Variants in CHUK observed in about 807,000 individuals in gnomAD.
CHUK encodes component of inhibitor of nuclear factor kappa B kinase complex.
In CHUK, 35 loss-of-function variants were observed where a neutral mutation model predicts 104.8. The observed-to-expected ratio is 0.33, with a 90% CI of 0.26 to 0.44. The LOEUF is 0.44. CHUK is among the 20% of genes least tolerant of loss of function. The pLI, the probability that CHUK is intolerant of heterozygous loss-of-function variation, is 1.00. For missense variants in CHUK, 663 were observed against 902.7 expected (o/e 0.73, Z 3.40); for synonymous variants, 276 against 291.9 (o/e 0.95, Z 0.56).
In CHUK at chr10:100,193,350, T is replaced by G. The variant is rs766327108; in HGVS notation, c.2056A>C (p.Thr686Pro). The G allele has an allele frequency of 1.2e-6, 2 of 1,614,086 alleles. No homozygotes were observed. Among genetic ancestry groups the G allele is most frequent in the East Asian group, 4.5e-5 (2 of 44,880 alleles). Residue 686 changes from threonine (T) to proline (P), a missense_variant, in exon 19 of 21, where the codon ACT becomes CCT. By Grantham distance (38) the Thr-to-Pro change is conservative (BLOSUM62 -1). Around this residue, in one of 5 missense-constraint regions of CHUK, gnomAD observed 311 missense variants for 393.4 expected, o/e 0.79. Transcript: ENST00000370397. ...TPQTSAWLPP[T>P]SAEHDHSLSC... is the part of the protein sequence containing the mutation. ...AGAGAATGATCATGTTCTGCTGAAG[T>G]CGGGGGCAGCCATGCTGATGTCTGA... is the stretch of plus-strand genomic sequence containing the variant.
chr10:100,188,227 C>G (rs1408115219), downstream of CHUK: 2 of 152,398 alleles, frequency 1.3e-5, no homozygotes, highest in Non-Finnish European at 2.9e-5. Context: ...ACTACCTTTA[C>G]CATAAGTCCT....
At chr10:100,208,147 C>T (rs1275835274) in intron 10 of CHUK, among the ~76,000 whole-genome samples, 1 of 151,996 alleles carries the variant, frequency 6.6e-6, no homozygotes, top group African/African-American at 2.4e-5. Context: ...GCTCTGTCAC[C>T]CATGCTGGAG....
intron 19 of CHUK, among the ~76,000 whole-genome samples, chr10:100,191,371 A>G (rs895424988): frequency 5.3e-5 from 8 of 152,268 alleles, no homozygotes; most frequent in African/African-American, 1.9e-4. Context: ...ACCAGCATGC[A>G]TACTTCACAG....
intron 10 of CHUK, among the ~76,000 whole-genome samples, chr10:100,208,164 G>A (rs10883453): frequency 3.3e-5 from 5 of 151,930 alleles, no homozygotes; most frequent in African/African-American, 7.3e-5. Flanking sequence ...GGAGTGCAGC[G>A]GCGTGATCAT....
At chr10:100,186,320 A>G (rs1844990783), downstream of CHUK, 1 of 335,022 alleles carries the variant, frequency 3.0e-6, no homozygotes, top group East Asian at 4.6e-5. Flanking sequence ...TCACTCTCAA[A>G]CGGTAGCTGT....
chr10:100,226,039 AG>A (rs753672948), intron 1 of CHUK, 22 bp from the exon 2 acceptor site: 2 of 1,414,890 alleles, frequency 1.4e-6, no homozygotes, highest in South Asian at 2.3e-5. Flanking sequence ...GAAAATCAAC[AG>A]AAAAAAAAAA....
Position 100,218,141 on chromosome 10 carries a change from T to C in CHUK, c.798-11A>G, listed in dbSNP as rs772449147. On this transcript the variant is annotated splice_polypyrimidine_tract_variant and intron_variant, in intron 8 of 20. Coordinates refer to ENST00000370397, the MANE Select transcript of CHUK (RefSeq NM_001278.5). ...GGTTCTACTACTAAACTAGAAAACA[T>C]ACAAAATAGGGTGAAAATCAAATCA... 6.2e-7 allele frequency: 1 copy of C among 1,604,456 alleles called. No individual in the cohort carries two copies. The highest frequency in any genetic ancestry group is 8.5e-7 in the Non-Finnish European group (1 of 1,171,172).
chr10:100,211,280 T>C (rs1417730738), intron 9 of CHUK, among the ~76,000 whole-genome samples: 2 of 151,924 alleles, frequency 1.3e-5, no homozygotes. Context: ...TTACATATTT[T>C]ATTTTGTGAC....
chr10:100,209,089 C>T (rs1407654092), intron 10 of CHUK, among the ~76,000 whole-genome samples: 5 of 152,116 alleles, frequency 3.3e-5, no homozygotes, highest in African/African-American at 1.2e-4. Context: ...ACTGAGGCTC[C>T]AGAGGAATGT....
chr10:100,201,826 C>CTGGG (rs1845469993), intron 14 of CHUK, among the ~76,000 whole-genome samples: 1 of 152,188 alleles, frequency 6.6e-6, no homozygotes, highest in African/African-American at 2.4e-5. Flanking sequence ...ACACTCCAAC[C>CTGGG]TGGGCAACAG....
In CHUK at chr10:100,189,211, A is replaced by G. The variant is rs1845138289; in HGVS notation, c.*387T>C. ...CTTGAGGTTTTCTTCTCTGTATACAAAACTACATTTGGTCTTACGCCCAAA... is the reference window on the plus strand; with the variant it reads ...CTTGAGGTTTTCTTCTCTGTATACAGAACTACATTTGGTCTTACGCCCAAA... On this transcript the variant is annotated 3_prime_UTR_variant, in exon 21 of 21. Transcript: ENST00000370397. The G allele has an allele frequency of 5.5e-6, 1 of 181,180 alleles. No homozygotes were observed. The highest frequency in any genetic ancestry group is 1.2e-5 in the Non-Finnish European group (1 of 85,382). The allele number at this position is 181,180 out of a possible 1,614,324, so 11.2% of individuals were successfully genotyped here. A position where few individuals can be genotyped will look rare whatever the true frequency, so the allele number is the denominator to read the frequency against.
intron 13 of CHUK, among the ~76,000 whole-genome samples, chr10:100,203,379 A>C (rs1489905108): frequency 6.6e-6 from 1 of 151,892 alleles, no homozygotes; most frequent in Non-Finnish European, 1.5e-5. Flanking sequence ...AATAATTATA[A>C]TGTTTTATCA....
chr10:100,220,949 T>C (rs1589597153), intron 4 of CHUK, among the ~76,000 whole-genome samples: 1 of 152,238 alleles, frequency 6.6e-6, no homozygotes, highest in Non-Finnish European at 1.5e-5. Flanking sequence ...CTGAAACTCT[T>C]ATAAGCCTCT....
chr10:100,204,791 A>G, intron 12 of CHUK, 134 bp from the exon 13 acceptor site: 1 of 795,048 alleles, frequency 1.3e-6, no homozygotes, highest in Non-Finnish European at 2.0e-6. Context: ...ATGAGAAATA[A>G]CTGAGCTCTA....
Position 100,222,129 on chromosome 10 carries a change from G to A in CHUK, c.368C>T (p.Ser123Phe), listed in dbSNP as rs1361024397. 1 of 1,574,488 alleles carries A rather than the reference G, an allele frequency of 6.4e-7. No homozygotes were observed. The highest frequency in any genetic ancestry group is 1.3e-5 in the African/African-American group (1 of 74,298). The change falls in exon 4 of 21, where the codon TCT (serine) becomes TTT (phenylalanine). Residue 123 changes from serine to phenylalanine, a missense_variant. Physicochemically the swap from Ser to Phe is radical, Grantham distance 155. Around this residue, in one of 5 missense-constraint regions of CHUK, gnomAD observed 200 missense variants for 333.0 expected, o/e 0.60. Coordinates refer to ENST00000370397, the MANE Select transcript of CHUK (RefSeq NM_001278.5). Reference sequence around the variant, plus strand: ...ATACGTACCTATATCACTTAGTAAAGAAAGTATCTGGCTTTCTTTAAGTCC... The same window carrying A: ...ATACGTACCTATATCACTTAGTAAAAAAAGTATCTGGCTTTCTTTAAGTCC... ...CCGLKESQIL[S>F]LLSDIGSGIR...
At position 100,190,965 on chromosome 10, in the gene CHUK, C is replaced by T; in HGVS notation, c.2112G>A (p.Glu704=). 1.9e-6 allele frequency: 3 copies of T among 1,589,142 alleles called. No individual in the cohort carries two copies. Among genetic ancestry groups the T allele is most frequent in the Non-Finnish European group, 2.6e-6 (3 of 1,157,300 alleles). ...LSCVVTPQDG[E]TSAQMIEENL... is the part of the protein sequence containing the mutation. Reference sequence around the variant, plus strand: ...TTTCTTCTATCATTTGTGCTGAAGTCTCCCTGTGAGATGAAAGAACAAAGC... The same window carrying T: ...TTTCTTCTATCATTTGTGCTGAAGTTTCCCTGTGAGATGAAAGAACAAAGC... Residue 704 remains glutamate (E), a synonymous_variant, in exon 20 of 21, where the codon GAG becomes GAA. Coordinates refer to ENST00000370397, the MANE Select transcript of CHUK (RefSeq NM_001278.5).
intron 9 of CHUK, among the ~76,000 whole-genome samples, chr10:100,210,083 A>ATTTT (rs201890676): frequency 4.6e-5 from 6 of 130,168 alleles, no homozygotes; most frequent in Non-Finnish European, 6.3e-5. Flanking sequence ...TTATTTATTT[A>ATTTT]TTTATTTATT....
At chr10:100,196,650 C>T (rs1442564450) in intron 16 of CHUK, among the ~76,000 whole-genome samples, 1 of 152,156 alleles carries the variant, frequency 6.6e-6, no homozygotes, top group African/African-American at 2.4e-5. Context: ...ATCCTCCTGT[C>T]TCAGCCTCCC....
chr10:100,207,449 G>A (rs1481448694), intron 10 of CHUK, 117 bp from the exon 11 acceptor site: 5 of 656,290 alleles, frequency 7.6e-6, no homozygotes, highest in Non-Finnish European at 1.4e-5. Flanking sequence ...AAATCAATGT[G>A]TATTACCATA....
Sources: gnomAD v4.1 joint callset for allele counts (sites outside exome capture counted in the v4.1 genomes callset) on GRCh38, gnomAD v4.1.1 for gene constraint, gnomAD v4.1.1 regional missense constraint, MANE v1.5 for transcripts, NCBI Gene and HGNC (gene_info 2026-07-23, HGNC 2026-07-21) for gene names.